The following SMYD3 variants were observed in gnomAD, a reference collection of about 807,000 sequenced individuals.
SMYD3 encodes histone-lysine N-methyltransferase SMYD3.
A neutral mutation model predicts 57.7 loss-of-function variants in SMYD3; 36 were observed. The observed-to-expected ratio is 0.62, with a 90% CI of 0.48 to 0.82. The LOEUF is 0.82. SMYD3 is among the 40% of genes least tolerant of loss of function. The pLI, the probability that SMYD3 is intolerant of heterozygous loss-of-function variation, is 0.00. For synonymous variants in SMYD3, 211 were observed against 195.0 expected (o/e 1.08, Z -0.68); for missense variants, 515 against 538.8 (o/e 0.96, Z 0.44).
intron 1 of SMYD3, among the ~76,000 whole-genome samples, chr1:246,473,337 T>A (rs528680516): frequency 6.6e-6 from 1 of 152,200 alleles, no homozygotes. Context: ...TGATTTATTA[T>A]GTTATTATTC....
intron 2 of SMYD3, among the ~76,000 whole-genome samples, chr1:246,344,255 A>T (rs930107942): frequency 2.0e-5 from 3 of 152,150 alleles, no homozygotes; most frequent in African/African-American, 4.8e-5. Flanking sequence ...GTACTCCCCA[A>T]AAGTTCCCTT....
intron 1 of SMYD3, among the ~76,000 whole-genome samples, chr1:246,499,878 C>G (rs2068430902): frequency 6.6e-6 from 1 of 152,030 alleles, no homozygotes; most frequent in African/African-American, 2.4e-5. Context: ...TTTTTAAATC[C>G]CTATCAAATC....
chr1:245,997,750 A>G (rs1387472708), intron 5 of SMYD3, among the ~76,000 whole-genome samples: 2 of 152,236 alleles, frequency 1.3e-5, no homozygotes, highest in African/African-American at 2.4e-5. Context: ...AGACACAGTC[A>G]CGGCAGCGGA....
chr1:245,906,911 A>T (rs1425701852), intron 8 of SMYD3, among the ~76,000 whole-genome samples: 1 of 152,234 alleles, frequency 6.6e-6, no homozygotes, highest in African/African-American at 2.4e-5. Flanking sequence ...ATATGTTCTT[A>T]CTTATTTGTG....
At chr1:245,828,758 G>C (rs996906167) in intron 10 of SMYD3, among the ~76,000 whole-genome samples, 4 of 151,272 alleles carry the variant, frequency 2.6e-5, no homozygotes, top group African/African-American at 9.7e-5. Context: ...CTGGAGTGCA[G>C]TGGCATGATC....
At chr1:246,409,321 A>T (rs1352920370) in intron 1 of SMYD3, among the ~76,000 whole-genome samples, 4 of 152,194 alleles carry the variant, frequency 2.6e-5, no homozygotes, top group African/African-American at 9.7e-5. Context: ...CTGACATGTA[A>T]GTCTTTAATC....
At chr1:245,941,881 C>A (rs1010934816) in intron 5 of SMYD3, among the ~76,000 whole-genome samples, 2 of 152,128 alleles carry the variant, frequency 1.3e-5, no homozygotes, top group African/African-American at 4.8e-5. Flanking sequence ...CCATACTAGG[C>A]TTTATAAGTG....
chr1:246,042,632 A>G (rs922374624), intron 5 of SMYD3, among the ~76,000 whole-genome samples: 1 of 152,190 alleles, frequency 6.6e-6, no homozygotes, highest in Non-Finnish European at 1.5e-5. Context: ...CCCCAGAAGA[A>G]ATCAGAGCTG....
chr1:246,405,744 T>TA (rs1375204900), intron 1 of SMYD3, among the ~76,000 whole-genome samples: 5 of 151,652 alleles, frequency 3.3e-5, no homozygotes, highest in Non-Finnish European at 7.4e-5. Context: ...CCGTCTCTAC[T>TA]AAAAATACAA....
intron 5 of SMYD3, among the ~76,000 whole-genome samples, chr1:245,935,619 C>T (rs781290427): frequency 1.3e-5 from 2 of 152,078 alleles, no homozygotes; most frequent in African/African-American, 2.4e-5. Flanking sequence ...ACATTAGCTA[C>T]GATATGGAAT....
At chr1:245,769,065 C>T (rs2046234581) in intron 10 of SMYD3, among the ~76,000 whole-genome samples, 1 of 152,114 alleles carries the variant, frequency 6.6e-6, no homozygotes, top group East Asian at 1.9e-4. Flanking sequence ...TAAATAGCTC[C>T]AGTTGTATGA....
In SMYD3 at chr1:246,104,375, A is replaced by T. The variant is rs1053372908; in HGVS notation, c.532-174438T>A. Among the ~76,000 whole-genome samples, 4 of 152,368 alleles carry T rather than the reference A, an allele frequency of 2.6e-5. No individual in the cohort carries two copies. The South Asian group carries it at 6.2e-4, about 24-fold the overall frequency. ...TACAAAGACTAGAACGGTGCTACTCAGAGCATGCTGTTCACCAGAGACTGT... is the reference window on the plus strand; with the variant it reads ...TACAAAGACTAGAACGGTGCTACTCTGAGCATGCTGTTCACCAGAGACTGT... On this transcript the variant is annotated intron_variant, in intron 5 of 11. Transcript: ENST00000490107.
intron 5 of SMYD3, among the ~76,000 whole-genome samples, chr1:246,277,637 C>G (rs1480718399): frequency 6.6e-6 from 1 of 152,190 alleles, no homozygotes. Flanking sequence ...AGATGTTCAT[C>G]AGCAGGTGAA....
intron 10 of SMYD3, among the ~76,000 whole-genome samples, chr1:245,814,819 C>G (rs776489311): frequency 4.6e-5 from 7 of 151,770 alleles, no homozygotes; most frequent in Middle Eastern, 6.8e-3. Context: ...CACACACACA[C>G]ACGCACGCAC....
chr1:246,101,014 G>T (rs533955123), intron 5 of SMYD3, among the ~76,000 whole-genome samples: 6 of 141,746 alleles, frequency 4.2e-5, no homozygotes, highest in Non-Finnish European at 9.1e-5. Context: ...TAGATAAATC[G>T]TCATAGCTTG....
At chr1:246,268,672 C>A (rs966160746) in intron 5 of SMYD3, among the ~76,000 whole-genome samples, 1 of 151,826 alleles carries the variant, frequency 6.6e-6, no homozygotes, top group Non-Finnish European at 1.5e-5. Flanking sequence ...CCACTGCACA[C>A]CAGCCTGAGT....
At chr1:245,959,149 A>C (rs1425043152) in intron 5 of SMYD3, among the ~76,000 whole-genome samples, 1 of 151,462 alleles carries the variant, frequency 6.6e-6, no homozygotes, top group Non-Finnish European at 1.5e-5. Flanking sequence ...ACAAACAAAA[A>C]ACAAACAAAC....
intron 1 of SMYD3, among the ~76,000 whole-genome samples, chr1:246,452,376 C>T (rs2067645271): frequency 1.3e-5 from 2 of 152,020 alleles, no homozygotes; most frequent in African/African-American, 4.8e-5. Flanking sequence ...GTGTTGTGCA[C>T]CTGTACTACC....
chr1:246,433,333 A>G (rs2067324826), intron 1 of SMYD3, among the ~76,000 whole-genome samples: 1 of 152,216 alleles, frequency 6.6e-6, no homozygotes, highest in South Asian at 2.1e-4. Context: ...CAAGTGGAAA[A>G]ACATTCCATG....
Sources: allele counts gnomAD v4.1 joint callset (sites outside exome capture counted in the v4.1 genomes callset), GRCh38; gene constraint gnomAD v4.1.1; transcripts MANE v1.5; gene names NCBI Gene and HGNC (gene_info 2026-07-23, HGNC 2026-07-21).